Variants in APBB1IP observed in about 807,000 individuals in gnomAD.
The protein encoded by APBB1IP is amyloid beta precursor protein binding family B member 1 interacting protein.
Under a neutral mutation model 64.9 loss-of-function variants are expected in APBB1IP, and 27 were observed. That is an observed-to-expected ratio of 0.42 (90% CI 0.31 to 0.57). The LOEUF (loss-of-function observed/expected upper bound fraction) is 0.57, where lower values mean the gene tolerates loss of function less well. APBB1IP is among the 20% of genes least tolerant of loss of function. The pLI, the probability that APBB1IP is intolerant of heterozygous loss-of-function variation, is 0.20. For synonymous variants in APBB1IP, 392 were observed against 331.0 expected, an observed-to-expected ratio of 1.18 and a Z score of -2.00; for missense variants, 812 against 845.5, an observed-to-expected ratio of 0.96 and a Z score of 0.49.
chr10:26,453,891 A>T (rs970729269), intron 2 of APBB1IP, among the ~76,000 whole-genome samples: 6 of 152,362 alleles, frequency 3.9e-5, no homozygotes, highest in African/African-American at 1.2e-4. Flanking sequence ...GAAGGAAATC[A>T]GTATATCAAA....
chr10:26,511,969 G>T, intron 7 of APBB1IP, 63 bp downstream of exon 7: 1 of 1,552,464 alleles, frequency 6.4e-7, no homozygotes, highest in Non-Finnish European at 8.8e-7. Context: ...TGTATAATGG[G>T]CTTGGGTTTA....
chr10:26,562,537 C>T (rs1836986999), intron 14 of APBB1IP, 108 bp downstream of exon 14: 2 of 875,920 alleles, frequency 2.3e-6, no homozygotes, highest in Admixed American at 2.1e-5. Context: ...CAGTAGCTCA[C>T]ACCTGTAATC....
intron 2 of APBB1IP, among the ~76,000 whole-genome samples, chr10:26,464,539 C>T (rs572926847): frequency 2.6e-4 from 39 of 152,144 alleles, no homozygotes; most frequent in African/African-American, 9.2e-4. Flanking sequence ...TAGCTGGGAC[C>T]ACAGGAACAC....
intron 2 of APBB1IP, among the ~76,000 whole-genome samples, chr10:26,458,028 C>G (rs1180545202): frequency 1.3e-5 from 2 of 152,102 alleles, no homozygotes; most frequent in Admixed American, 1.3e-4. Context: ...TTGTCAAGCC[C>G]TTGGACAGCA....
At chr10:26,524,333 A>T (rs1836443256) in intron 8 of APBB1IP, among the ~76,000 whole-genome samples, 1 of 152,010 alleles carries the variant, frequency 6.6e-6, no homozygotes, top group Non-Finnish European at 1.5e-5. Flanking sequence ...GGCCTTGCTG[A>T]GCTCCCCCAG....
At chr10:26,498,308 A>G (rs4329583) in intron 4 of APBB1IP, among the ~76,000 whole-genome samples, 14,594 of 152,026 alleles carry the variant, frequency 0.096, 935 homozygotes, top group East Asian at 0.23. Flanking sequence ...CAGAATTTCA[A>G]GACCAGCCTG....
intron 8 of APBB1IP, among the ~76,000 whole-genome samples, chr10:26,515,929 A>T (rs1836320793): frequency 6.6e-6 from 1 of 152,224 alleles, no homozygotes; most frequent in Non-Finnish European, 1.5e-5. Flanking sequence ...AGAGGAAAGT[A>T]TGCACATTTT....
chr10:26,524,057 C>T (rs1347249787), intron 8 of APBB1IP, among the ~76,000 whole-genome samples: 1 of 152,118 alleles, frequency 6.6e-6, no homozygotes, highest in African/African-American at 2.4e-5. Flanking sequence ...GTACTTTAAA[C>T]CGAAGGAGAT....
chr10:26,481,826 CGTGT>C (rs71521683), intron 2 of APBB1IP, among the ~76,000 whole-genome samples: 19,791 of 143,056 alleles, frequency 0.14, 1,339 homozygotes, highest in Middle Eastern at 0.18. Context: ...CATCTCATTA[CGTGT>C]GTGTGTGTGT....
chr10:26,567,041 GC>G lies in APBB1IP; in HGVS notation c.1559del (p.Pro520LeufsTer136). The stretch of plus-strand genomic sequence containing the variant: ...ACGCCCCCAAGTCCAGCCTGCCCCC[GC>G]CCCCTCCGGTGCGGAGGTCCTCCGA... ...PHAPKSSLPPPPPVRRSSDTS... is the reference protein window; with the variant it reads ...PHAPKSSLPPXPPVRRSSDTS... On this transcript the variant is annotated frameshift_variant, in exon 15 of 15. Coordinates refer to ENST00000376236, the MANE Select transcript of APBB1IP (RefSeq NM_019043.4). LOFTEE classifies it low-confidence loss of function (END_TRUNC). The G allele has an allele frequency of 6.5e-7, 1 of 1,527,372 alleles. No individual in the cohort carries two copies. The highest frequency in any genetic ancestry group is 2.6e-5 in the East Asian group (1 of 38,950). 94.6% of individuals were successfully genotyped at this position (1,527,372 alleles called of 1,614,324 possible).
At chr10:26,531,173 A>C (rs1480341414) in intron 8 of APBB1IP, among the ~76,000 whole-genome samples, 1 of 151,810 alleles carries the variant, frequency 6.6e-6, no homozygotes, top group Non-Finnish European at 1.5e-5. Flanking sequence ...CATTTCTACT[A>C]AAAATACAAA....
intron 6 of APBB1IP, among the ~76,000 whole-genome samples, chr10:26,504,697 G>A (rs563443275): frequency 1.1e-4 from 16 of 151,158 alleles, no homozygotes; most frequent in African/African-American, 2.7e-4. Flanking sequence ...ACTCCAGAGC[G>A]AGACTCCATC....
intron 3 of APBB1IP, among the ~76,000 whole-genome samples, 187 bp downstream of exon 3, chr10:26,492,585 T>C (rs1027624720): frequency 2.6e-5 from 4 of 151,390 alleles, no homozygotes; most frequent in Admixed American, 2.6e-4. Flanking sequence ...AAGGGAAGAG[T>C]ACAAAAGAGA....
intron 2 of APBB1IP, among the ~76,000 whole-genome samples, chr10:26,482,954 G>A (rs1055244250): frequency 6.6e-6 from 1 of 151,058 alleles, no homozygotes; most frequent in African/African-American, 2.4e-5. Flanking sequence ...AGCTGGTCAT[G>A]GTGGCCGGTG....
chr10:26,455,476 T>C (rs1322957725), intron 2 of APBB1IP, among the ~76,000 whole-genome samples: 1 of 150,588 alleles, frequency 6.6e-6, no homozygotes, highest in East Asian at 1.9e-4. Flanking sequence ...AGCAGTGAGT[T>C]GAGATTGCAT....
At position 26,525,946 on chromosome 10, in the gene APBB1IP, T is replaced by C. The variant is rs116079124; in HGVS notation, c.814-7493T>C. On this transcript the variant is annotated intron_variant, in intron 8 of 14. Coordinates refer to ENST00000376236, the MANE Select transcript of APBB1IP (RefSeq NM_019043.4). ...CAGGGACATTCCTTTCCTCTGGGTA[T>C]AGGGTGGGCGCCTGTCTCACAAGGA... is the stretch of plus-strand genomic sequence containing the variant. Among the ~76,000 whole-genome samples the C allele has an allele frequency of 9.6e-3, 1,468 of 152,198 alleles. 20 individuals carry two copies. The highest frequency in any genetic ancestry group is 0.034 in the African/African-American group (1,397 of 41,514).
At chr10:26,547,341 T>A (rs1836778665) in intron 11 of APBB1IP, among the ~76,000 whole-genome samples, 1 of 152,224 alleles carries the variant, frequency 6.6e-6, no homozygotes, top group Non-Finnish European at 1.5e-5. Flanking sequence ...TTTTTCTCAT[T>A]CTGTAGGTTG....
intron 9 of APBB1IP, among the ~76,000 whole-genome samples, chr10:26,534,527 C>A (rs374318405): frequency 1.4e-3 from 210 of 152,258 alleles, no homozygotes; most frequent in African/African-American, 4.9e-3. Context: ...CGGTTCCCAC[C>A]TGGAGCCAAT....
chr10:26,449,333 G>T (rs1835440091), intron 2 of APBB1IP, among the ~76,000 whole-genome samples: 1 of 152,176 alleles, frequency 6.6e-6, no homozygotes, highest in Non-Finnish European at 1.5e-5. Context: ...GTGAAAGAGA[G>T]AGAGAATAAA....
Sources: gnomAD v4.1 joint callset for allele counts (sites outside exome capture counted in the v4.1 genomes callset) on GRCh38, gnomAD v4.1.1 for gene constraint, MANE v1.5 for transcripts, NCBI Gene and HGNC (gene_info 2026-07-23, HGNC 2026-07-21) for gene names.